LRRCC1: variants seen among roughly 807,000 people sequenced by gnomAD.
LRRCC1 encodes leucine-rich repeat and coiled-coil domain-containing protein 1.
A neutral mutation model predicts 126.0 loss-of-function variants in LRRCC1; 115 were observed. The ratio of observed to expected loss-of-function variants is 0.91; its 90% CI spans 0.78 to 1.07. The LOEUF (loss-of-function observed/expected upper bound fraction) is 1.07, where lower values mean the gene tolerates loss of function less well. Among genes scored for constraint, LRRCC1 ranks in the 50% least tolerant of loss-of-function variants. The pLI, the probability that LRRCC1 is intolerant of heterozygous loss-of-function variation, is 0.00. For synonymous variants in LRRCC1, 400 were observed against 393.4 expected, an observed-to-expected ratio of 1.02 and a Z score of -0.20; for missense variants, 1,172 against 1,175.7, an observed-to-expected ratio of 1.00 and a Z score of 0.05.
chr8:85,115,726 A>G, intron 6 of LRRCC1, 142 bp downstream of exon 6: 2 of 618,704 alleles, frequency 3.2e-6, no homozygotes, highest in East Asian at 5.5e-5. Context: ...CTCTACAGAA[A>G]TAGGGTTCTA....
At chr8:85,132,142 G>A (rs1810515721) in intron 12 of LRRCC1, among the ~76,000 whole-genome samples, 181 bp downstream of exon 12, 1 of 152,086 alleles carries the variant, frequency 6.6e-6, no homozygotes, top group African/African-American at 2.4e-5. Flanking sequence ...TACTGCTCTT[G>A]CAAAAACTAA....
intron 18 of LRRCC1, among the ~76,000 whole-genome samples, chr8:85,144,474 A>ATTTTTTT (rs56095819): frequency 4.3e-5 from 2 of 46,900 alleles, no homozygotes; most frequent in African/African-American, 1.2e-4. Flanking sequence ...ATATATATAT[A>ATTTTTTT]TTTTTTTTTT....
At position 85,126,708 on chromosome 8, in the gene LRRCC1, AC is replaced by A. The variant is rs1168968046; in HGVS notation, c.1294del (p.Gln432LysfsTer44). The A allele has an allele frequency of 1.2e-6, 2 of 1,612,518 alleles. No homozygotes were observed. The highest frequency in any genetic ancestry group is 3.3e-5 in the Admixed American group (2 of 59,990). The part of the protein sequence containing the change: ...NTYQSLVEQL[D>X]QEREKRWRAE... ...TTTCAGTCCCTTGTTGAACAGCTAGACCAAGAGAGAGAGAAGAGATGGAGAG... is the reference window on the plus strand; with the variant it reads ...TTTCAGTCCCTTGTTGAACAGCTAGACAAGAGAGAGAGAAGAGATGGAGAG... On this transcript the variant is annotated frameshift_variant, in exon 9 of 19. Coordinates refer to ENST00000360375, the MANE Select transcript of LRRCC1 (RefSeq NM_033402.5). LOFTEE classifies it high-confidence loss of function.
chr8:85,119,939 A>G (rs1402205425), intron 6 of LRRCC1, among the ~76,000 whole-genome samples: 1 of 152,228 alleles, frequency 6.6e-6, no homozygotes, highest in Non-Finnish European at 1.5e-5. Flanking sequence ...GCTATTGTAC[A>G]GTTAGAAATA....
At position 85,107,963 on chromosome 8, in the gene LRRCC1, T is replaced by A. The variant is rs1808393362; in HGVS notation, c.104+564T>A. Reference sequence around the variant, plus strand: ...AAGTACTAAACTTACTATATTTAGTTCATCGTTTCCCTCTCTCTTGAAGCC... The same window carrying A: ...AAGTACTAAACTTACTATATTTAGTACATCGTTTCCCTCTCTCTTGAAGCC... On this transcript the variant is annotated intron_variant, in intron 1 of 18. Coordinates refer to ENST00000360375, the MANE Select transcript of LRRCC1 (RefSeq NM_033402.5). 2.6e-5 allele frequency among the ~76,000 whole-genome samples: 4 copies of A among 152,376 alleles called. No homozygotes were observed. In the South Asian group the frequency reaches 8.3e-4, roughly 32 times the overall value.
intron 13 of LRRCC1, 52 bp from the exon 14 acceptor site, chr8:85,135,737 A>G: frequency 8.8e-7 from 1 of 1,135,648 alleles, no homozygotes; most frequent in South Asian, 3.3e-5. Context: ...AAAAAATAGA[A>G]AATAAAGCAC....
At position 85,129,963 on chromosome 8, in the gene LRRCC1, T is replaced by A. The variant is rs368905410; in HGVS notation, c.1671T>A (p.Asp557Glu). ...QEVELKASAA[D>E]REIYLLRTSL... ...TGGAACTCAAAGCTTCAGCTGCCGA[T>A]AGAGAAATATACTTACTTAGAACTT... Residue 557 changes from aspartate (D) to glutamate (E), a missense_variant, in exon 11 of 19, where the codon GAT becomes GAA. By Grantham distance (45) the Asp-to-Glu change is conservative. Coordinates refer to ENST00000360375, the MANE Select transcript of LRRCC1 (RefSeq NM_033402.5). 3.7e-5 allele frequency: 59 copies of A among 1,596,926 alleles called. No individual in the cohort carries two copies. The highest frequency in any genetic ancestry group is 1.4e-5 in the African/African-American group (1 of 73,380).
chr8:85,131,960 A>T lies in LRRCC1; in HGVS notation c.1967A>T (p.Asp656Val), dbSNP rs1810502270. The T allele has an allele frequency of 1.2e-6, 2 of 1,607,292 alleles. 1 individual carries two copies. Among genetic ancestry groups the T allele is most frequent in the South Asian group, 2.2e-5 (2 of 89,106 alleles). Residue 656 changes from aspartate (D) to valine (V), a missense_variant and splice_region_variant, in exon 12 of 19, where the codon GAT (aspartate) becomes GTT (valine). Transcript: ENST00000360375. ...ACTGTTGAAGCCAGAAGATTTCAAGATGTAAGAATTGGCACCCAGCTTTTT... is the reference window on the plus strand; with the variant it reads ...ACTGTTGAAGCCAGAAGATTTCAAGTTGTAAGAATTGGCACCCAGCTTTTT... The part of the protein sequence containing the change: ...ALTVEARRFQ[D>V]VKDGFENVAT...
At chr8:85,123,987 G>C (rs529878461) in intron 7 of LRRCC1, among the ~76,000 whole-genome samples, 1 of 152,158 alleles carries the variant, frequency 6.6e-6, no homozygotes, top group South Asian at 2.1e-4. Flanking sequence ...TGGGAAATAA[G>C]ACTAGTACAC....
Position 85,138,320 on chromosome 8 carries a change from A to G in LRRCC1, c.2703-18A>G. 1 of 1,587,706 alleles carries G rather than the reference A, an allele frequency of 6.3e-7. No homozygotes were observed. The highest frequency in any genetic ancestry group is 8.5e-7 in the Non-Finnish European group (1 of 1,171,296). ...TTTAATAAACCCAATTTATTTTTCAAATTACTTCTCATATTAGTACACTGA... is the reference window on the plus strand; with the variant it reads ...TTTAATAAACCCAATTTATTTTTCAGATTACTTCTCATATTAGTACACTGA... On this transcript the variant is annotated intron_variant, in intron 16 of 18. Coordinates refer to ENST00000360375, the MANE Select transcript of LRRCC1 (RefSeq NM_033402.5).
At chr8:85,122,505 A>G (rs1444871151) in intron 6 of LRRCC1, among the ~76,000 whole-genome samples, 3 of 152,006 alleles carry the variant, frequency 2.0e-5, no homozygotes, top group Non-Finnish European at 4.4e-5. Context: ...TTATTGCCTC[A>G]CTCTACTATT....
intron 13 of LRRCC1, 140 bp downstream of exon 13, chr8:85,135,172 T>A: frequency 1.9e-6 from 1 of 517,396 alleles, no homozygotes; most frequent in Non-Finnish European, 3.2e-6. Flanking sequence ...ATAGTATAAC[T>A]AAAGAAATTA....
At position 85,139,330 on chromosome 8, in the gene LRRCC1, T is replaced by C. The variant is rs143239990; in HGVS notation, c.2840+855T>C. 8.7e-3 allele frequency among the ~76,000 whole-genome samples: 1,323 copies of C among 152,236 alleles called. 20 individuals are homozygous for C. The highest frequency in any genetic ancestry group is 0.06 in the East Asian group (309 of 5,128). On this transcript the variant is annotated intron_variant, in intron 17 of 18. Coordinates refer to ENST00000360375, the MANE Select transcript of LRRCC1 (RefSeq NM_033402.5). ...CCCAGGCTGGAGTGCAATGGCACGA[T>C]CTGGGCTCACTGCAACTTCCACCTC...
At position 85,138,124 on chromosome 8, in the gene LRRCC1, A is replaced by G. The variant is rs767205377; in HGVS notation, c.2583A>G (p.Lys861=). ...GCACTCAAGAACAACTTGATGAAAA[A>G]TCTTCACAACTGGATGAGGTACTTG... is the stretch of plus-strand genomic sequence containing the variant. ...EKCTQEQLDE[K]SSQLDEVLEK... The change falls in exon 16 of 19, where the codon AAA becomes AAG. Residue 861 remains lysine (K), a synonymous_variant. Coordinates refer to ENST00000360375, the MANE Select transcript of LRRCC1 (RefSeq NM_033402.5). 1 of 1,608,980 alleles carries G rather than the reference A, an allele frequency of 6.2e-7. No individual in the cohort carries two copies. Among genetic ancestry groups the G allele is most frequent in the South Asian group, 1.1e-5 (1 of 89,906 alleles).
chr8:85,120,667 T>G (rs977357055), intron 6 of LRRCC1, among the ~76,000 whole-genome samples: 2 of 152,226 alleles, frequency 1.3e-5, no homozygotes, highest in East Asian at 1.9e-4. Flanking sequence ...TCTATGGATT[T>G]GCCTATTTTG....
chr8:85,125,235 T>C (rs376624550), intron 8 of LRRCC1, among the ~76,000 whole-genome samples: 9 of 152,338 alleles, frequency 5.9e-5, no homozygotes, highest in East Asian at 1.9e-4. Context: ...CCTACTTTTT[T>C]TGGGTGTCAG....
intron 9 of LRRCC1, among the ~76,000 whole-genome samples, chr8:85,128,268 C>G (rs1290110301): frequency 1.3e-5 from 2 of 152,140 alleles, no homozygotes; most frequent in African/African-American, 2.4e-5. Context: ...GTGTCTAGGG[C>G]TGCTAGCCAA....
At position 85,134,921 on chromosome 8, in the gene LRRCC1, A is replaced by AGAAAAT. The variant is rs1810742515; in HGVS notation, c.2046_2051dup (p.Asn683_Glu684dup). Reference sequence around the variant, plus strand: ...ATGCTCTTATTTGGGCTCAACGAAAAGAAAATGAGTCTTCCTCTTTAATTA... The same window carrying AGAAAAT: ...ATGCTCTTATTTGGGCTCAACGAAAAGAAAATGAAAATGAGTCTTCCTCTTTAATTA... On this transcript the variant is annotated inframe_insertion, in exon 13 of 19. Coordinates refer to ENST00000360375, the MANE Select transcript of LRRCC1 (RefSeq NM_033402.5). The AGAAAAT allele has an allele frequency of 6.3e-7, 1 of 1,597,582 alleles. No homozygotes were observed. Among genetic ancestry groups the AGAAAAT allele is most frequent in the Non-Finnish European group, 8.5e-7 (1 of 1,176,742 alleles).
chr8:85,137,349 T>C, intron 14 of LRRCC1, 115 bp from the exon 15 acceptor site: 1 of 587,264 alleles, frequency 1.7e-6, no homozygotes, highest in Non-Finnish European at 2.6e-6. Flanking sequence ...TATTATAAGC[T>C]ATGTTTCTTT....
Sources: allele counts gnomAD v4.1 joint callset (sites outside exome capture counted in the v4.1 genomes callset), GRCh38; gene constraint gnomAD v4.1.1; transcripts MANE v1.5; gene names NCBI Gene and HGNC (gene_info 2026-07-23, HGNC 2026-07-21).